Variants in SLC16A2 observed in about 807,000 individuals in gnomAD.
SLC16A2 encodes the protein solute carrier family 16 member 2.
In SLC16A2, 3 loss-of-function variants were observed where a neutral mutation model predicts 27.2. The ratio of observed to expected loss-of-function variants is 0.11; its 90% CI spans 0.05 to 0.28. The LOEUF (loss-of-function observed/expected upper bound fraction) is 0.28, where lower values mean the gene tolerates loss of function less well. Ranked by LOEUF, SLC16A2 falls within the 10% of genes least tolerant of loss-of-function variation. The probability of loss-of-function intolerance (pLI) is 1.00; values close to 1 mark genes in which losing one functional copy is unlikely to be tolerated. For synonymous variants in SLC16A2, 202 were observed against 187.8 expected, an observed-to-expected ratio of 1.08 and a Z score of -0.62; for missense variants, 295 against 458.5, an observed-to-expected ratio of 0.64 and a Z score of 3.26.
In SLC16A2 at chrX:74,467,123, C is replaced by T. The variant is rs769231983; in HGVS notation, c.430+45056C>T. On this transcript the variant is annotated intron_variant, in intron 1 of 5. Coordinates refer to ENST00000587091, the MANE Select transcript of SLC16A2 (RefSeq NM_006517.5). ...CCGCCCCTCCCCTCCATCTTCCTGC[C>T]TTTTTCTACCTTGCTGCACTTCTTC... Among the ~76,000 whole-genome samples, 5 of 112,284 alleles carry T rather than the reference C, an allele frequency of 4.5e-5. No homozygotes were observed. The East Asian group carries it at 1.1e-3, about 25-fold the overall frequency.
chrX:74,468,911 A>C (rs1384751686), intron 1 of SLC16A2, among the ~76,000 whole-genome samples: 1 of 111,576 alleles, frequency 9.0e-6, no homozygotes, highest in East Asian at 2.8e-4. Context: ...ACCAAAAACT[A>C]GATCTTATTC....
intron 1 of SLC16A2, among the ~76,000 whole-genome samples, chrX:74,489,970 T>TACACACACACACAC (rs55975734): frequency 0.033 from 2,848 of 87,119 alleles, 93 homozygotes; most frequent in Non-Finnish European, 0.05. Flanking sequence ...GTCACACACA[T>TACACACACACACAC]ACACACACAC....
In SLC16A2 at chrX:74,529,240, A is replaced by T; in HGVS notation, c.1198A>T (p.Met400Leu). ...CCTTTCCTTCCTGCTCCTGGGCCTG[A>T]TGTCCATGATGATTCCCCTGTGCCG... ...QVLSFLLLGL[M>L]SMMIPLCRDF... Residue 400 changes from methionine to leucine, a missense_variant, in exon 5 of 6, where the codon ATG (methionine) becomes TTG (leucine). Met to Leu is a conservative substitution (Grantham distance 15). Coordinates refer to ENST00000587091, the MANE Select transcript of SLC16A2 (RefSeq NM_006517.5). 8.3e-7 allele frequency: 1 copy of T among 1,211,720 alleles called. No individual in the cohort carries two copies. Among genetic ancestry groups the T allele is most frequent in the Non-Finnish European group, 1.1e-6 (1 of 895,288 alleles).
At chrX:74,500,191 G>A (rs1930006896) in intron 1 of SLC16A2, among the ~76,000 whole-genome samples, 1 of 110,780 alleles carries the variant, frequency 9.0e-6, no homozygotes, top group Admixed American at 9.6e-5. Flanking sequence ...CGTAAGGTCT[G>A]CCCCACCCCC....
intron 1 of SLC16A2, among the ~76,000 whole-genome samples, chrX:74,459,247 T>TATATATA (rs771637315): frequency 1.0e-5 from 1 of 99,316 alleles, no homozygotes; most frequent in African/African-American, 3.7e-5. Context: ...TATATATATC[T>TATATATA]CACAAGTGTT....
intron 1 of SLC16A2, among the ~76,000 whole-genome samples, chrX:74,479,043 T>G (rs1183811909): frequency 8.9e-6 from 1 of 112,000 alleles, no homozygotes; most frequent in African/African-American, 3.3e-5. Flanking sequence ...CTTGCTAGAT[T>G]CAGGAAGTTC....
intron 1 of SLC16A2, among the ~76,000 whole-genome samples, chrX:74,504,574 G>A (rs1194896830): frequency 8.9e-6 from 1 of 112,138 alleles, no homozygotes; most frequent in Non-Finnish European, 1.9e-5. Flanking sequence ...ATACAAGCCA[G>A]GTCTCTTACA....
rs1201591899 is a variant in SLC16A2 at position 74,525,795 on chromosome X, G to C, written c.1072G>C (p.Val358Leu). The change falls in exon 4 of 6, where the codon GTG becomes CTG. Residue 358 changes from valine (V) to leucine (L), a missense_variant. This residue lies in a region of SLC16A2 where 144 missense variants were observed against 219.8 expected (regional missense o/e 0.66). Transcript: ENST00000587091. ...EEFSEIKETW[V>L]LLVCIGATSG... The stretch of plus-strand genomic sequence containing the variant: ...GTTCTCAGAAATCAAGGAGACCTGG[G>C]TGCTCTTGGTGTGTATTGGGGCTAC... 2.5e-6 allele frequency: 3 copies of C among 1,211,297 alleles called. No individual in the cohort carries two copies. The highest frequency in any genetic ancestry group is 3.4e-6 in the Non-Finnish European group (3 of 895,116).
intron 1 of SLC16A2, among the ~76,000 whole-genome samples, chrX:74,505,145 A>G (rs1162473694): frequency 1.8e-5 from 2 of 111,322 alleles, no homozygotes; most frequent in Non-Finnish European, 3.8e-5. Flanking sequence ...AGTGGCTAGG[A>G]AAAAAAAATT....
At chrX:74,455,762 T>C (rs900751648) in intron 1 of SLC16A2, among the ~76,000 whole-genome samples, 1 of 111,506 alleles carries the variant, frequency 9.0e-6, no homozygotes, top group African/African-American at 3.3e-5. Context: ...TGCAGGAGTA[T>C]AGTGTGTGGG....
intron 1 of SLC16A2, among the ~76,000 whole-genome samples, chrX:74,438,180 T>C (rs1323360786): frequency 8.9e-6 from 1 of 112,447 alleles, no homozygotes; most frequent in Non-Finnish European, 1.9e-5. Flanking sequence ...AGACCAGTGT[T>C]AGAGTCCTGG....
intron 1 of SLC16A2, among the ~76,000 whole-genome samples, chrX:74,422,870 A>G (rs887616188): frequency 8.9e-6 from 1 of 112,234 alleles, no homozygotes; most frequent in Non-Finnish European, 1.9e-5. Flanking sequence ...ACCGCCCCCA[A>G]CTTCAGCCCT....
intron 1 of SLC16A2, among the ~76,000 whole-genome samples, chrX:74,499,357 A>G (rs989351583): frequency 1.8e-5 from 2 of 110,624 alleles, no homozygotes; most frequent in Non-Finnish European, 3.8e-5. Flanking sequence ...CACAGAATTC[A>G]GTATTCATCT....
In SLC16A2 at chrX:74,478,598, C is replaced by T. The variant is rs1242719526; in HGVS notation, c.431-42392C>T. On this transcript the variant is annotated intron_variant, in intron 1 of 5. Transcript: ENST00000587091. ...AGCCTCGATGGTCTTTACAATTTGG[C>T]ATGTTTTTGCAGTGGCTGGTACCGG... Among the ~76,000 whole-genome samples, 5 of 111,638 alleles carry T rather than the reference C, an allele frequency of 4.5e-5. No homozygotes were observed. In the East Asian group the frequency reaches 1.4e-3, roughly 31 times the overall value.
chrX:74,459,245 T>TATATATACACACACATA (rs1569288361), intron 1 of SLC16A2, among the ~76,000 whole-genome samples: 8 of 99,065 alleles, frequency 8.1e-5, no homozygotes, highest in Non-Finnish European at 8.1e-5. Flanking sequence ...TATATATATA[T>TATATATACACACACATA]CTCACAAGTG....
chrX:74,523,082 C>A, intron 2 of SLC16A2, among the ~76,000 whole-genome samples: 1 of 112,050 alleles, frequency 8.9e-6, no homozygotes, highest in East Asian at 2.8e-4. Flanking sequence ...GAAGGTCTAA[C>A]ACAAGGCCCC....
At position 74,481,968 on chromosome X, in the gene SLC16A2, C is replaced by T. The variant is rs1929628649; in HGVS notation, c.431-39022C>T. 2.7e-5 allele frequency among the ~76,000 whole-genome samples: 3 copies of T among 109,956 alleles called. No homozygotes were observed. In the South Asian group the frequency reaches 1.2e-3, roughly 43 times the overall value. ...AAAACCACCAAAATAAACCCTGTAA[C>T]CAATAGCAGTTTCTCCCTTAGTGCC... On this transcript the variant is annotated intron_variant, in intron 1 of 5. Transcript: ENST00000587091.
At chrX:74,500,154 C>T (rs1163794350) in intron 1 of SLC16A2, among the ~76,000 whole-genome samples, 1 of 110,479 alleles carries the variant, frequency 9.1e-6, no homozygotes, top group Non-Finnish European at 1.9e-5. Flanking sequence ...AGTTTGTGCA[C>T]ATTCTCTATA....
chrX:74,504,477 C>T (rs1056736381), intron 1 of SLC16A2, among the ~76,000 whole-genome samples: 10 of 112,091 alleles, frequency 8.9e-5, no homozygotes, highest in African/African-American at 3.2e-4. Flanking sequence ...ATTTGCCCTA[C>T]TGAGGGCCTG....
Sources: gnomAD v4.1 joint callset for allele counts (sites outside exome capture counted in the v4.1 genomes callset) on GRCh38, gnomAD v4.1.1 for gene constraint, gnomAD v4.1.1 regional missense constraint, MANE v1.5 for transcripts, NCBI Gene and HGNC (gene_info 2026-07-23, HGNC 2026-07-21) for gene names.